Variants in CNOT10 observed in about 807,000 individuals in gnomAD.
The protein encoded by CNOT10 is CCR4-NOT transcription complex, subunit 10.
In CNOT10, 30 loss-of-function variants were observed where a neutral mutation model predicts 94.6. The observed-to-expected ratio is 0.32, with a 90% CI of 0.24 to 0.43. The LOEUF is 0.43. Ranked by LOEUF, CNOT10 falls within the 20% of genes least tolerant of loss-of-function variation. The pLI is 1.00. For missense variants in CNOT10, 759 were observed against 877.2 expected, an observed-to-expected ratio of 0.87 and a Z score of 1.70; for synonymous variants, 289 against 301.6, an observed-to-expected ratio of 0.96 and a Z score of 0.43.
At chr3:32,761,740 T>C (rs1479170205) in intron 14 of CNOT10, among the ~76,000 whole-genome samples, 8 of 151,484 alleles carry the variant, frequency 5.3e-5, no homozygotes, top group Admixed American at 3.9e-4. Context: ...TTTTTTTTTT[T>C]TTCTTTTTTT....
At chr3:32,764,623 G>A in intron 16 of CNOT10, 59 bp from the exon 17 acceptor site, 1 of 1,606,842 alleles carries the variant, frequency 6.2e-7, no homozygotes, top group Admixed American at 1.7e-5. Flanking sequence ...CGATAGATTG[G>A]GTTGCTTCCT....
intron 15 of CNOT10, 43 bp downstream of exon 15, chr3:32,762,906 T>C: frequency 3.4e-6 from 5 of 1,462,990 alleles, no homozygotes; most frequent in Non-Finnish European, 4.5e-6. Flanking sequence ...ACTGTTTCCA[T>C]TTCCCTCCTG....
chr3:32,692,287 G>T (rs1011077596), intron 1 of CNOT10, among the ~76,000 whole-genome samples: 1 of 152,068 alleles, frequency 6.6e-6, no homozygotes, highest in African/African-American at 2.4e-5. Flanking sequence ...GTAGGCACAG[G>T]GTCCCAATAT....
intron 9 of CNOT10, among the ~76,000 whole-genome samples, chr3:32,726,693 CCATAAT>C (rs758030763): frequency 2.5e-4 from 21 of 82,898 alleles, no homozygotes; most frequent in East Asian, 6.3e-4. Flanking sequence ...GAGACTCTGT[CCATAAT>C]AATAATAATA....
In CNOT10 at chr3:32,695,974, T is replaced by A. The variant is rs1167682839; in HGVS notation, c.23-7894T>A. 8.5e-3 allele frequency: 1,709 copies of A among 201,840 alleles called. 3 individuals carry two copies. The highest frequency in any genetic ancestry group is 0.013 in the Non-Finnish European group (1,297 of 102,624). 12.5% of individuals were successfully genotyped at this position (201,840 alleles called of 1,614,324 possible). A position where few individuals can be genotyped will look rare whatever the true frequency, so the allele number is the denominator to read the frequency against. ...AAATAATCCTGTTGAAGAGAGTGTG[T>A]GTGTGTGTGTGTGTGTGTGTGTGTG... On this transcript the variant is annotated intron_variant, in intron 1 of 18. Coordinates refer to ENST00000328834, the MANE Select transcript of CNOT10 (RefSeq NM_015442.3).
chr3:32,688,559 T>G (rs1052809717), intron 1 of CNOT10, among the ~76,000 whole-genome samples: 8 of 151,612 alleles, frequency 5.3e-5, no homozygotes, highest in African/African-American at 9.7e-5. Context: ...ATCGCACCAC[T>G]GCACTCCAGG....
chr3:32,726,999 A>G (rs886796953), intron 9 of CNOT10, among the ~76,000 whole-genome samples: 1 of 151,788 alleles, frequency 6.6e-6, no homozygotes, highest in Non-Finnish European at 1.5e-5. Flanking sequence ...GGCACATGCC[A>G]CCATGCCCGG....
chr3:32,745,864 A>T (rs1030626807), intron 13 of CNOT10, among the ~76,000 whole-genome samples: 2 of 152,154 alleles, frequency 1.3e-5, no homozygotes, highest in Non-Finnish European at 2.9e-5. Flanking sequence ...GGTGCTGCAC[A>T]CCTGTAGCTC....
At chr3:32,765,010 T>C (rs2125641457) in intron 17 of CNOT10, 6 of 1,500,176 alleles carry the variant, frequency 4.0e-6, no homozygotes, top group Non-Finnish European at 5.3e-6. Flanking sequence ...GGAAAGTTCT[T>C]CTTGATGATT....
intron 1 of CNOT10, among the ~76,000 whole-genome samples, chr3:32,698,916 G>A (rs544811574): frequency 2.0e-5 from 3 of 152,302 alleles, no homozygotes; most frequent in Non-Finnish European, 2.9e-5. Flanking sequence ...CTCGCTTGTA[G>A]CTGGGACTAC....
chr3:32,711,000 G>A (rs1697862343), intron 4 of CNOT10, among the ~76,000 whole-genome samples: 1 of 152,154 alleles, frequency 6.6e-6, no homozygotes, highest in African/African-American at 2.4e-5. Context: ...TTACAGGTGT[G>A]AACCACCATG....
At chr3:32,725,698 A>G (rs1698636547) in intron 9 of CNOT10, 99 bp downstream of exon 9, 2 of 1,121,112 alleles carry the variant, frequency 1.8e-6, no homozygotes, top group African/African-American at 3.2e-5. Flanking sequence ...GTAGACTTAC[A>G]TATAGTTAAC....
chr3:32,725,301 T>A, intron 8 of CNOT10, 149 bp from the exon 9 acceptor site: 1 of 582,596 alleles, frequency 1.7e-6, no homozygotes, highest in Non-Finnish European at 3.0e-6. Flanking sequence ...TTCAGATATT[T>A]CCTAAATTTC....
intron 13 of CNOT10, among the ~76,000 whole-genome samples, chr3:32,743,983 G>C (rs1699590692): frequency 6.6e-6 from 1 of 152,158 alleles, no homozygotes; most frequent in African/African-American, 2.4e-5. Context: ...AGGGAGAAAG[G>C]AAACAGTACA....
At chr3:32,745,963 A>G (rs772888129) in intron 13 of CNOT10, among the ~76,000 whole-genome samples, 17 of 152,166 alleles carry the variant, frequency 1.1e-4, no homozygotes, top group Admixed American at 3.9e-4. Flanking sequence ...ATGCACTCCA[A>G]CCTGGGTGAC....
intron 13 of CNOT10, among the ~76,000 whole-genome samples, 188 bp downstream of exon 13, chr3:32,737,678 C>T (rs546687659): frequency 6.6e-6 from 1 of 152,034 alleles, no homozygotes; most frequent in South Asian, 2.1e-4. Context: ...CAAAAATTAA[C>T]CGGGCGTGGT....
At chr3:32,711,310 C>G (rs1364505630) in intron 4 of CNOT10, among the ~76,000 whole-genome samples, 1 of 152,078 alleles carries the variant, frequency 6.6e-6, no homozygotes, top group Non-Finnish European at 1.5e-5. Context: ...TGTGTATGTC[C>G]TCCTGTACAT....
chr3:32,715,979 G>C (rs1326207506), intron 5 of CNOT10: 2 of 317,862 alleles, frequency 6.3e-6, no homozygotes, highest in Admixed American at 1.0e-4. Context: ...GCTAATTTTT[G>C]TATTTTTTGT....
rs1559491394 is a variant in CNOT10 at position 32,720,835 on chromosome 3, C to CCCTTCCTG, written c.862+611_862+612insGCCTTCCT. ...CCTGACTTGCCTGCCCTCCCTCCCT[C>CCCTTCCTG]CCTTCCTCCCTTCCTCCCTTCCTCC... On this transcript the variant is annotated intron_variant, in intron 8 of 18. Transcript: ENST00000328834. Among the ~76,000 whole-genome samples, 10 of 138,916 alleles carry CCCTTCCTG rather than the reference C, an allele frequency of 7.2e-5. No individual in the cohort carries two copies. In the South Asian group the frequency reaches 2.5e-3, roughly 35 times the overall value. The allele number at this position is 138,916 out of a possible 152,430, so 91.1% of individuals were successfully genotyped here.
Sources: allele counts gnomAD v4.1 joint callset (sites outside exome capture counted in the v4.1 genomes callset), GRCh38; gene constraint gnomAD v4.1.1; transcripts MANE v1.5; gene names NCBI Gene and HGNC (gene_info 2026-07-23, HGNC 2026-07-21).